The following TRIP6 variants were observed in gnomAD, a reference collection of about 807,000 sequenced individuals.
The protein encoded by TRIP6 is thyroid receptor-interacting protein 6.
In TRIP6, 33 loss-of-function variants were observed where a neutral mutation model predicts 51.9. The ratio of observed to expected loss-of-function variants is 0.64; its 90% CI spans 0.48 to 0.85. The LOEUF (loss-of-function observed/expected upper bound fraction) is 0.85. TRIP6 is among the 40% of genes least tolerant of loss of function. The probability of loss-of-function intolerance (pLI) is 0.00; values close to 1 mark genes in which losing one functional copy is unlikely to be tolerated. For missense variants in TRIP6, 661 were observed against 652.1 expected (o/e 1.01, Z -0.15); for synonymous variants, 255 against 275.8 (o/e 0.92, Z 0.75).
rs563474341 is a variant in TRIP6, at chr7:100,871,002, C to T, written c.999+259C>T. ...AATGTGTTAGATTCCCATGACACCC[C>T]TGTGAGGCAGGTATTACTACTGATT... On this transcript the variant is annotated intron_variant, in intron 6 of 8. Coordinates refer to ENST00000200457, the MANE Select transcript of TRIP6 (RefSeq NM_003302.3). The T allele has an allele frequency of 7.6e-5, 50 of 660,742 alleles. No homozygotes were observed. In the African/African-American group the frequency reaches 8.5e-4, roughly 11 times the overall value. The allele number at this position is 660,742 out of a possible 1,614,324, so 40.9% of individuals were successfully genotyped here. A position where few individuals can be genotyped will look rare whatever the true frequency, so the allele number is the denominator to read the frequency against.
At chr7:100,869,167 AGGCT>A (rs1382624170) in intron 4 of TRIP6, among the ~76,000 whole-genome samples, 1 of 151,614 alleles carries the variant, frequency 6.6e-6, no homozygotes, top group Admixed American at 6.6e-5. Flanking sequence ...TTTGTTGGCC[AGGCT>A]GGTCTCGAAC....
At chr7:100,871,086 T>G in intron 6 of TRIP6, 1 of 510,482 alleles carries the variant, frequency 2.0e-6, no homozygotes. Flanking sequence ...CAGACTGGAG[T>G]GCAGTGGGGT....
In TRIP6 at chr7:100,871,585, G is replaced by C; in HGVS notation, c.1042G>C (p.Asp348His). Residue 348 changes from aspartate (D) to histidine (H), a missense_variant, in exon 7 of 9, where the codon GAC becomes CAC. Asp to His is a moderately conservative substitution (Grantham distance 81, BLOSUM62 -1). Coordinates refer to ENST00000200457, the MANE Select transcript of TRIP6 (RefSeq NM_003302.3). ...KCATCSQPIL[D>H]RILRAMGKAY... ...TGCCACGTGCTCCCAGCCCATCCTG[G>C]ACCGGATCCTGCGGGCTATGGGGAA... The C allele has an allele frequency of 6.2e-7, 1 of 1,614,086 alleles. No individual in the cohort carries two copies. The highest frequency in any genetic ancestry group is 1.1e-5 in the South Asian group (1 of 91,086).
At position 100,871,484 on chromosome 7, in the gene TRIP6, C is replaced by T. The variant is rs1815266259; in HGVS notation, c.1000-59C>T. ...TTAGATGGCTGGGTTGCTGGGGTTC[C>T]TGTTGAGCTGCCATGGCTCCCGCCC... On this transcript the variant is annotated intron_variant, in intron 6 of 8. Coordinates refer to ENST00000200457, the MANE Select transcript of TRIP6 (RefSeq NM_003302.3). 7 of 1,575,342 alleles carry T rather than the reference C, an allele frequency of 4.4e-6. No homozygotes were observed. The East Asian group carries it at 1.6e-4, about 35-fold the overall frequency.
At position 100,872,680 on chromosome 7, in the gene TRIP6, A is replaced by G; in HGVS notation, c.1235A>G (p.Gln412Arg). 1 of 1,614,112 alleles carries G rather than the reference A, an allele frequency of 6.2e-7. No individual in the cohort carries two copies. The highest frequency in any genetic ancestry group is 8.5e-7 in the Non-Finnish European group (1 of 1,180,000). ...CGGAIMPEPG[Q>R]EETVRIVALD... Reference sequence around the variant, plus strand: ...GGGGCCATAATGCCTGAGCCAGGTCAGGAGGAGACTGTGAGAATTGTTGCT... The same window carrying G: ...GGGGCCATAATGCCTGAGCCAGGTCGGGAGGAGACTGTGAGAATTGTTGCT... Residue 412 changes from glutamine (Q) to arginine (R), a missense_variant, in exon 8 of 9, where the codon CAG becomes CGG. Physicochemically the swap from Gln to Arg is conservative, Grantham distance 43 (BLOSUM62 1). Transcript: ENST00000200457.
chr7:100,868,405 T>C (rs1268066635), intron 3 of TRIP6, 90 bp from the exon 4 acceptor site: 13 of 1,597,750 alleles, frequency 8.1e-6, no homozygotes, highest in African/African-American at 1.3e-5. Context: ...GCAAAAAGCC[T>C]GTGCTTCCCC....
intron 7 of TRIP6, 103 bp downstream of exon 7, chr7:100,871,824 T>C: frequency 7.2e-7 from 1 of 1,390,288 alleles, no homozygotes; most frequent in Non-Finnish European, 9.7e-7. Context: ...ACCCTGGCCC[T>C]CCTTCGTTCT....
At chr7:100,870,871 T>C in intron 6 of TRIP6, 128 bp downstream of exon 6, 1 of 1,309,308 alleles carries the variant, frequency 7.6e-7, no homozygotes, top group Non-Finnish European at 1.0e-6. Context: ...GAAAGTGATG[T>C]ACAAACAGGG....
intron 8 of TRIP6, 61 bp downstream of exon 8, chr7:100,872,805 A>AG: frequency 1.3e-6 from 2 of 1,583,976 alleles, no homozygotes; most frequent in Non-Finnish European, 1.7e-6. Flanking sequence ...GTAGAGCATG[A>AG]GGGGGAACAC....
chr7:100,870,974 G>C (rs573902104), intron 6 of TRIP6: 1 of 690,854 alleles, frequency 1.4e-6, no homozygotes, highest in East Asian at 2.8e-5. Flanking sequence ...TACAGTTAAA[G>C]AGAATGTGTT....
rs752716312 is a variant in TRIP6 at position 100,867,961 on chromosome 7, G to T, written c.210G>T (p.Gly70=). Residue 70 remains glycine, a synonymous_variant, in exon 2 of 9, where the codon GGG becomes GGT. Coordinates refer to ENST00000200457, the MANE Select transcript of TRIP6 (RefSeq NM_003302.3). The surrounding 1 kb of genome is among the most constrained non-coding windows in gnomAD (Gnocchi z 5.4). ...GPEDRGPAWV[G]SHGVLQHTQG... is the part of the protein sequence containing the mutation. ...AGGATCGGGGGCCGGCGTGGGTGGG[G>T]TCCCATGGAGTACTCCAGCACACGC... is the stretch of plus-strand genomic sequence containing the variant. 6.6e-7 allele frequency: 1 copy of T among 1,514,028 alleles called. No homozygotes were observed. The highest frequency in any genetic ancestry group is 1.3e-5 in the South Asian group (1 of 74,620). 93.8% of individuals were successfully genotyped at this position (1,514,028 alleles called of 1,614,324 possible).
At position 100,868,939 on chromosome 7, in the gene TRIP6, G is replaced by A. The variant is rs1400525138; in HGVS notation, c.735+73G>A. 3.5e-6 allele frequency: 5 copies of A among 1,415,414 alleles called. No homozygotes were observed. The South Asian group carries it at 7.1e-5, about 20-fold the overall frequency. 87.7% of individuals were successfully genotyped at this position (1,415,414 alleles called of 1,614,324 possible). On this transcript the variant is annotated intron_variant, in intron 4 of 8. Transcript: ENST00000200457. ...CCGACTGGGTGGGGTGGCTGGTGGT[G>A]TTTTAGGGGGCTTTTTTGTTTTTTG...
rs1322281091 is a variant in TRIP6, at chr7:100,870,661, T to C, written c.917T>C (p.Val306Ala). 6.2e-7 allele frequency: 1 copy of C among 1,614,010 alleles called. No homozygotes were observed. Among genetic ancestry groups the C allele is most frequent in the Non-Finnish European group, 8.5e-7 (1 of 1,179,982 alleles). ...CGCGTCTTTCACGTGGGCTGCTTTG[T>C]ATGTTCTACATGCCGGGCCCAGCTT... ...LDRVFHVGCF[V>A]CSTCRAQLRG... Residue 306 changes from valine to alanine, a missense_variant, in exon 6 of 9, where the codon GTA (valine) becomes GCA (alanine). Val to Ala is a moderately conservative substitution (Grantham distance 64). Coordinates refer to ENST00000200457, the MANE Select transcript of TRIP6 (RefSeq NM_003302.3).
intron 7 of TRIP6, 30 bp downstream of exon 7, chr7:100,871,751 A>AT (rs1265400860): frequency 1.2e-6 from 2 of 1,604,598 alleles, no homozygotes; most frequent in South Asian, 2.2e-5. Context: ...TTGTCTCACA[A>AT]TGTCTGACCT....
At position 100,870,894 on chromosome 7, in the gene TRIP6, AG is replaced by A. The variant is rs1815255321; in HGVS notation, c.999+152del. ...TGTACAAACAGGGCGGAATTCTGCAAGTATCAAGCAAGTAGCTTAACACTGG... is the reference window on the plus strand; with the variant it reads ...TGTACAAACAGGGCGGAATTCTGCAATATCAAGCAAGTAGCTTAACACTGG... On this transcript the variant is annotated intron_variant, in intron 6 of 8. Transcript: ENST00000200457. The A allele has an allele frequency of 6.4e-6, 7 of 1,090,982 alleles. No homozygotes were observed. The South Asian group carries it at 9.5e-5, about 15-fold the overall frequency. The allele number at this position is 1,090,982 out of a possible 1,614,324, so 67.6% of individuals were successfully genotyped here. A position where few individuals can be genotyped will look rare whatever the true frequency, so the allele number is the denominator to read the frequency against.
chr7:100,872,712 C>A lies in TRIP6; in HGVS notation c.1267C>A (p.Arg423=), dbSNP rs555278804. Residue 423 remains arginine, a synonymous_variant, in exon 8 of 9, where the codon CGA becomes AGA. Coordinates refer to ENST00000200457, the MANE Select transcript of TRIP6 (RefSeq NM_003302.3). ...EETVRIVALD[R]SFHIGCYKCE... ...GACTGTGAGAATTGTTGCTCTGGAT[C>A]GAAGTTTTCACATTGGCTGTTACAA... The A allele has an allele frequency of 1.0e-4, 167 of 1,614,070 alleles. No homozygotes were observed. In the South Asian group the frequency reaches 1.7e-3, roughly 17 times the overall value.
At position 100,867,528 on chromosome 7, in the gene TRIP6, C is replaced by A. The variant is rs759183789; in HGVS notation, c.31C>A (p.Gln11Lys). Residue 11 changes from glutamine (Q) to lysine (K), a missense_variant, in exon 1 of 9, where the codon CAG becomes AAG. Physicochemically the swap from Gln to Lys is moderately conservative, Grantham distance 53. Coordinates refer to ENST00000200457, the MANE Select transcript of TRIP6 (RefSeq NM_003302.3). This position sits in a 1 kb window ranked among gnomAD's most constrained non-coding sequence, Gnocchi z 5.4. The stretch of plus-strand genomic sequence containing the variant: ...GGGGCCCACCTGGCTGCCCCCGAAG[C>A]AGCCGGAGCCCGCCAGAGCCCCTCA... MSGPTWLPPK[Q>K]PEPARAPQGR... 3.3e-6 allele frequency: 5 copies of A among 1,516,286 alleles called. No individual in the cohort carries two copies. The highest frequency in any genetic ancestry group is 1.2e-5 in the South Asian group (1 of 80,990). 93.9% of individuals were successfully genotyped at this position (1,516,286 alleles called of 1,614,324 possible).
chr7:100,871,599 G>A lies in TRIP6; in HGVS notation c.1056G>A (p.Arg352=). 1 of 1,614,108 alleles carries A rather than the reference G, an allele frequency of 6.2e-7. No individual in the cohort carries two copies. The highest frequency in any genetic ancestry group is 8.5e-7 in the Non-Finnish European group (1 of 1,180,040). The change falls in exon 7 of 9, where the codon CGG becomes CGA. Residue 352 remains arginine, a synonymous_variant. Transcript: ENST00000200457. The part of the protein sequence containing the change: ...CSQPILDRIL[R]AMGKAYHPGC... ...AGCCCATCCTGGACCGGATCCTGCG[G>A]GCTATGGGGAAGGCCTACCACCCTG...
At chr7:100,871,821 C>T (rs910573313) in intron 7 of TRIP6, 100 bp downstream of exon 7, 14 of 1,413,170 alleles carry the variant, frequency 9.9e-6, no homozygotes, top group Admixed American at 2.3e-5. Flanking sequence ...CCAACCCTGG[C>T]CCTCCTTCGT....
Sources: gnomAD v4.1 joint callset for allele counts (sites outside exome capture counted in the v4.1 genomes callset) on GRCh38, gnomAD v4.1.1 for gene constraint, Gnocchi (gnomAD v3.1) non-coding constraint, MANE v1.5 for transcripts, NCBI Gene and HGNC (gene_info 2026-07-23, HGNC 2026-07-21) for gene names.